The following HSPA12A variants were observed in gnomAD, a reference collection of about 807,000 sequenced individuals.
HSPA12A encodes heat shock protein family A (Hsp70) member 12A, also known as heat shock 70 kDa protein 12A.
HSPA12A carries 28 observed loss-of-function variants against 69.2 expected under a neutral mutation model. The observed-to-expected ratio is 0.40, with a 90% CI of 0.30 to 0.55. HSPA12A has a LOEUF of 0.55. HSPA12A is among the 20% of genes least tolerant of loss of function. The pLI is 0.38. For missense variants in HSPA12A, 686 were observed against 900.7 expected (o/e 0.76, Z 3.05); for synonymous variants, 345 against 370.5 (o/e 0.93, Z 0.79).
chr10:116,802,691 CAG>C (rs1234427340), intron 2 of HSPA12A, among the ~76,000 whole-genome samples: 18 of 152,224 alleles, frequency 1.2e-4, no homozygotes, highest in Non-Finnish European at 7.3e-5. Context: ...AGGAAGGGGG[CAG>C]CTTATCCCAG....
chr10:116,754,055 T>A (rs896391968), intron 2 of HSPA12A, among the ~76,000 whole-genome samples: 3 of 152,138 alleles, frequency 2.0e-5, no homozygotes, highest in Non-Finnish European at 4.4e-5. Context: ...CGGGCCTTCC[T>A]CTCCCCACCC....
At chr10:116,683,988 A>T (rs1554879145) in intron 6 of HSPA12A, 26 bp from the exon 7 acceptor site, 1 of 1,531,496 alleles carries the variant, frequency 6.5e-7, no homozygotes, top group Non-Finnish European at 8.8e-7. Context: ...AGAGGCTGGG[A>T]CCCAGGGCCC....
At chr10:116,702,145 A>G (rs1250779840) in intron 3 of HSPA12A, among the ~76,000 whole-genome samples, 1 of 148,526 alleles carries the variant, frequency 6.7e-6, no homozygotes, top group Non-Finnish European at 1.5e-5. Flanking sequence ...AGAGAGAGAG[A>G]GGCTGCAGTG....
intron 1 of HSPA12A, among the ~76,000 whole-genome samples, chr10:116,716,306 G>T (rs1316555012): frequency 6.6e-6 from 1 of 152,214 alleles, no homozygotes; most frequent in East Asian, 1.9e-4. Flanking sequence ...TGCCATATGG[G>T]AGGGGCAAGA....
chr10:116,796,703 T>A (rs1217651374), intron 2 of HSPA12A, among the ~76,000 whole-genome samples: 3 of 152,166 alleles, frequency 2.0e-5, no homozygotes, highest in African/African-American at 7.2e-5. Context: ...GGCAGAGATT[T>A]GAGAGCAAAG....
chr10:116,705,964 C>T (rs1397809871), intron 2 of HSPA12A, among the ~76,000 whole-genome samples: 2 of 146,314 alleles, frequency 1.4e-5, no homozygotes, highest in South Asian at 2.1e-4. Context: ...GGCCCAATCT[C>T]GGCTCACTGC....
intron 2 of HSPA12A, among the ~76,000 whole-genome samples, chr10:116,749,252 G>A (rs970953832): frequency 6.6e-6 from 1 of 152,202 alleles, no homozygotes; most frequent in Non-Finnish European, 1.5e-5. Flanking sequence ...TTTATGGTGA[G>A]CCTTCCTCAC....
intron 1 of HSPA12A, among the ~76,000 whole-genome samples, chr10:116,720,249 ACCCTGGGCACCGCCCCCT>A (rs1850733809): frequency 6.6e-6 from 1 of 151,924 alleles, no homozygotes; most frequent in Non-Finnish European, 1.5e-5. Context: ...ACCGCCACCC[ACCCTGGGCACCGCCCCCT>A]CCCTCCTCCA....
At chr10:116,803,236 A>G (rs1844996942) in intron 2 of HSPA12A, among the ~76,000 whole-genome samples, 1 of 152,244 alleles carries the variant, frequency 6.6e-6, no homozygotes, top group South Asian at 2.1e-4. Flanking sequence ...GTGTGCGGAG[A>G]GAATTCGGGA....
At chr10:116,676,346 A>G in intron 11 of HSPA12A, 53 bp downstream of exon 11, 1 of 1,440,824 alleles carries the variant, frequency 6.9e-7, no homozygotes, top group Non-Finnish European at 9.7e-7. Context: ...GGGAAAGCCC[A>G]TCCCCTTTCT....
intron 2 of HSPA12A, among the ~76,000 whole-genome samples, chr10:116,788,486 T>C (rs932560660): frequency 6.6e-6 from 1 of 152,142 alleles, no homozygotes; most frequent in Non-Finnish European, 1.5e-5. Flanking sequence ...ATTCTCATTC[T>C]AAAAAAACAA....
At chr10:116,700,358 T>G (rs977032855) in intron 4 of HSPA12A, among the ~76,000 whole-genome samples, 1 of 152,216 alleles carries the variant, frequency 6.6e-6, no homozygotes, top group Non-Finnish European at 1.5e-5. Flanking sequence ...GCCTGTTTGA[T>G]GTAGGTGTCT....
intron 2 of HSPA12A, among the ~76,000 whole-genome samples, chr10:116,817,478 C>T (rs563820403): frequency 7.5e-4 from 106 of 141,104 alleles, no homozygotes; most frequent in African/African-American, 2.7e-3. Context: ...GTCTTCTATT[C>T]GCTCGGTTCA....
chr10:116,695,454 T>C (rs1244809442), intron 5 of HSPA12A, among the ~76,000 whole-genome samples: 1 of 151,390 alleles, frequency 6.6e-6, no homozygotes, highest in Non-Finnish European at 1.5e-5. Flanking sequence ...GTGGCCAAGG[T>C]GGGCGGATCA....
intron 7 of HSPA12A, chr10:116,683,468 TA>T (rs1849478083): frequency 1.4e-5 from 3 of 212,894 alleles, no homozygotes; most frequent in African/African-American, 6.8e-5. Flanking sequence ...AAGAATCTGT[TA>T]ATACACAAGA....
chr10:116,729,757 C>G (rs1851094792), intron 1 of HSPA12A, among the ~76,000 whole-genome samples: 1 of 152,172 alleles, frequency 6.6e-6, no homozygotes, highest in African/African-American at 2.4e-5. Context: ...CAAGGGCCAA[C>G]TGTATCTACA....
intron 2 of HSPA12A, among the ~76,000 whole-genome samples, chr10:116,780,584 T>C (rs1844443588): frequency 6.6e-6 from 1 of 152,056 alleles, no homozygotes; most frequent in African/African-American, 2.4e-5. Flanking sequence ...TCTACCTATG[T>C]TACCCAGACT....
At chr10:116,709,193 TC>T (rs1850349618) in intron 1 of HSPA12A, among the ~76,000 whole-genome samples, 1 of 152,184 alleles carries the variant, frequency 6.6e-6, no homozygotes, top group South Asian at 2.1e-4. Context: ...ACGCCTATAA[TC>T]CCAGCACTTT....
chr10:116,784,044 T>A (rs1313204397), intron 2 of HSPA12A, among the ~76,000 whole-genome samples: 1 of 152,248 alleles, frequency 6.6e-6, no homozygotes, highest in East Asian at 1.9e-4. Flanking sequence ...ATCTATTTTT[T>A]TCTTATGTAT....
Sources: allele counts gnomAD v4.1 joint callset (sites outside exome capture counted in the v4.1 genomes callset), GRCh38; gene constraint gnomAD v4.1.1; transcripts MANE v1.5; gene names NCBI Gene and HGNC (gene_info 2026-07-23, HGNC 2026-07-21).